Variants in CSDE1 observed in about 807,000 individuals in gnomAD.
CSDE1 encodes cold shock domain containing E1, also known as cold shock domain-containing protein E1.
CSDE1 carries 17 observed loss-of-function variants against 89.3 expected under a neutral mutation model. The ratio of observed to expected loss-of-function variants is 0.19; its 90% CI spans 0.13 to 0.29. CSDE1 has a LOEUF of 0.29. Among genes scored for constraint, CSDE1 ranks in the 10% least tolerant of loss-of-function variants. The probability of loss-of-function intolerance (pLI) is 1.00; values close to 1 mark genes in which losing one functional copy is unlikely to be tolerated. For synonymous variants in CSDE1, 322 were observed against 332.8 expected (o/e 0.97, Z 0.35); for missense variants, 672 against 984.2 (o/e 0.68, Z 4.24).
chr1:114,736,495 C>G (rs1202906639), intron 6 of CSDE1, among the ~76,000 whole-genome samples: 1 of 152,148 alleles, frequency 6.6e-6, no homozygotes, highest in Admixed American at 6.5e-5. Context: ...TACCTCAAAG[C>G]ACTATTTTTT....
chr1:114,726,448 G>T, intron 13 of CSDE1, 62 bp from the exon 14 acceptor site: 1 of 1,360,876 alleles, frequency 7.3e-7, no homozygotes, highest in Non-Finnish European at 9.9e-7. Context: ...CCTTAACTCA[G>T]AAAACAAGAC....
chr1:114,741,055 C>T (rs1660699040), intron 2 of CSDE1, among the ~76,000 whole-genome samples: 1 of 152,206 alleles, frequency 6.6e-6, no homozygotes, highest in Admixed American at 6.5e-5. Flanking sequence ...AATTCTTCTA[C>T]ACTAGCCACT....
At chr1:114,734,238 C>A (rs1264865961) in intron 7 of CSDE1, 121 bp from the exon 8 acceptor site, 1 of 1,255,814 alleles carries the variant, frequency 8.0e-7, no homozygotes, top group Non-Finnish European at 1.1e-6. Flanking sequence ...TTTGGTACAA[C>A]CTAATATTAT....
At position 114,720,730 on chromosome 1, in the gene CSDE1, T is replaced by C. The variant is rs752563317; in HGVS notation, c.1874-13A>G. The C allele has an allele frequency of 9.9e-6, 16 of 1,612,974 alleles. No individual in the cohort carries two copies. The highest frequency in any genetic ancestry group is 4.5e-5 in the East Asian group (2 of 44,878). The stretch of plus-strand genomic sequence containing the variant: ...CCTTTCATATCGCCTGTAAAACAGG[T>C]ACAAAGTCTAAAAGCTAGTATTTCA... On this transcript the variant is annotated splice_polypyrimidine_tract_variant and intron_variant, in intron 16 of 19. Transcript: ENST00000358528.
intron 18 of CSDE1, among the ~76,000 whole-genome samples, 186 bp downstream of exon 18, chr1:114,719,393 G>T (rs1010492667): frequency 2.0e-5 from 3 of 152,134 alleles, no homozygotes; most frequent in Admixed American, 6.5e-5. Context: ...GGAAGAAGAA[G>T]AATTTGGCAA....
In CSDE1 at chr1:114,717,848, A is replaced by G. The variant is rs546876074; in HGVS notation, c.*321T>C. 9.2e-6 allele frequency: 3 copies of G among 325,200 alleles called. No individual in the cohort carries two copies. Among genetic ancestry groups the G allele is most frequent in the Admixed American group, 4.6e-5 (1 of 21,698 alleles). The allele number at this position is 325,200 out of a possible 1,614,324, so 20.1% of individuals were successfully genotyped here. A position where few individuals can be genotyped will look rare whatever the true frequency, so the allele number is the denominator to read the frequency against. The stretch of plus-strand genomic sequence containing the variant: ...CATAGGGCCAACAAGATAACAGTCT[A>G]TATTTTTCACTTACACAGGCAAAGT... On this transcript the variant is annotated 3_prime_UTR_variant, in exon 20 of 20. Transcript: ENST00000358528.
chr1:114,719,727 A>G lies in CSDE1; in HGVS notation c.2068T>C (p.Tyr690His), dbSNP rs1420964127. 1 of 1,610,856 alleles carries G rather than the reference A, an allele frequency of 6.2e-7. No homozygotes were observed. The highest frequency in any genetic ancestry group is 8.5e-7 in the Non-Finnish European group (1 of 1,179,146). ...AGCTTCTTGCTATCTCCTACTTCAT[A>G]GTTAATGAAGCCAAACTGAAAAAAA... ...CVKDQFGFINYEVGDSKKLFF... is the reference protein window; with the variant it reads ...CVKDQFGFINHEVGDSKKLFF... The change falls in exon 18 of 20, where the codon TAT becomes CAT. Residue 690 changes from tyrosine to histidine, a missense_variant. Tyr to His is a moderately conservative substitution (Grantham distance 83, BLOSUM62 2). Coordinates refer to ENST00000358528, the MANE Select transcript of CSDE1 (RefSeq NM_001007553.3).
In CSDE1 at chr1:114,716,990, A is replaced by C. The variant is rs1185984352; in HGVS notation, c.*1179T>G. ...TTAACAGAAAACTGGAGAAAGCAAA[A>C]ATGTTTCGTGTTTACAAAGATAAAC... On this transcript the variant is annotated 3_prime_UTR_variant, in exon 20 of 20. Coordinates refer to ENST00000358528, the MANE Select transcript of CSDE1 (RefSeq NM_001007553.3). 1 of 152,668 alleles carries C rather than the reference A, an allele frequency of 6.6e-6. No homozygotes were observed. Among genetic ancestry groups the C allele is most frequent in the African/African-American group, 2.4e-5 (1 of 41,456 alleles). 9.5% of individuals were successfully genotyped at this position (152,668 alleles called of 1,614,324 possible).
intron 13 of CSDE1, 148 bp downstream of exon 13, chr1:114,726,835 G>T: frequency 1.7e-6 from 1 of 572,842 alleles, no homozygotes; most frequent in East Asian, 2.9e-5. Flanking sequence ...TTAATAAGCT[G>T]CTTTCAAATA....
intron 16 of CSDE1, among the ~76,000 whole-genome samples, chr1:114,721,579 A>C (rs1659522764): frequency 1.3e-5 from 2 of 152,292 alleles, no homozygotes; most frequent in South Asian, 4.1e-4. Context: ...ATTACAGGGT[A>C]AGTGAAGAAT....
chr1:114,752,411 GTCCCGTACAAAGAT>G (rs1175782552), intron 1 of CSDE1, among the ~76,000 whole-genome samples: 1 of 151,916 alleles, frequency 6.6e-6, no homozygotes, highest in Non-Finnish European at 1.5e-5. Context: ...CAAAGCCTGA[GTCCCGTACAAAGAT>G]TCTAAATTTA....
In CSDE1 at chr1:114,726,308, T is replaced by C. The variant is rs1659793564; in HGVS notation, c.1543A>G (p.Asn515Asp). The C allele has an allele frequency of 2.5e-6, 4 of 1,613,914 alleles. No homozygotes were observed. Among genetic ancestry groups the C allele is most frequent in the Non-Finnish European group, 3.4e-6 (4 of 1,179,910 alleles). The change falls in exon 14 of 20, where the codon AAC (asparagine) becomes GAC (aspartate). Residue 515 changes from asparagine (N) to aspartate (D), a missense_variant. By Grantham distance (23) the Asn-to-Asp change is conservative. Transcript: ENST00000358528. ...ACATAACCCAAGAGCCTCTTGGAGT[T>C]AGAATTACGACCTAAAAGTCGCACA... Reference protein sequence around the residue: ...TCVRLLGRNSNSKRLLGYVAT... With the variant: ...TCVRLLGRNSDSKRLLGYVAT...
chr1:114,733,745 G>C lies in CSDE1; in HGVS notation c.824C>G (p.Pro275Arg). Residue 275 changes from proline to arginine, a missense_variant, in exon 9 of 20, where the codon CCC (proline) becomes CGC (arginine). This residue lies in a region of CSDE1 where 169 missense variants were observed against 262.9 expected (regional missense o/e 0.64). Transcript: ENST00000358528. ...GTVTKVIPKV[P>R]SKNQNDPLPG... ...AAGATTATTTACCTGGTTTTTACTG[G>C]GTACTTTTGGGATAACTTTGGTTAC... 6.2e-7 allele frequency: 1 copy of C among 1,613,130 alleles called. No individual in the cohort carries two copies. Among genetic ancestry groups the C allele is most frequent in the Non-Finnish European group, 8.5e-7 (1 of 1,179,696 alleles).
At chr1:114,746,413 C>T (rs2101074744) in intron 2 of CSDE1, 1 of 151,814 alleles carries the variant, frequency 6.6e-6, no homozygotes, top group African/African-American at 2.4e-5. Flanking sequence ...TCGTTTGTTC[C>T]CAAATAAAAA....
chr1:114,725,228 T>A lies in CSDE1; in HGVS notation c.1746A>T (p.Thr582=). The A allele has an allele frequency of 6.2e-7, 1 of 1,613,614 alleles. No homozygotes were observed. Among genetic ancestry groups the A allele is most frequent in the Non-Finnish European group, 8.5e-7 (1 of 1,179,494 alleles). ...GAAGTCACAATTTATTACCTGAGTGTGTTTTGTTCACTTTTTCTGCACTGA... is the reference window on the plus strand; with the variant it reads ...GAAGTCACAATTTATTACCTGAGTGAGTTTTGTTCACTTTTTCTGCACTGA... ...NKVSAEKVNK[T]HSVNGITEEA... is the part of the protein sequence containing the mutation. Residue 582 remains threonine (T), a synonymous_variant, in exon 15 of 20, where the codon ACA becomes ACT. Coordinates refer to ENST00000358528, the MANE Select transcript of CSDE1 (RefSeq NM_001007553.3).
At chr1:114,720,460 C>T in intron 17 of CSDE1, 79 bp downstream of exon 17, 1 of 1,320,428 alleles carries the variant, frequency 7.6e-7, no homozygotes, top group East Asian at 2.5e-5. Context: ...ATGATTTCCC[C>T]TTGGCTGAAA....
chr1:114,743,451 C>T (rs1446288080), intron 2 of CSDE1, among the ~76,000 whole-genome samples: 2 of 152,182 alleles, frequency 1.3e-5, no homozygotes, highest in Admixed American at 6.5e-5. Context: ...CTGCACTGCG[C>T]CCTGGCCTCC....
chr1:114,752,415 C>T (rs752980052), intron 1 of CSDE1, among the ~76,000 whole-genome samples: 1 of 152,064 alleles, frequency 6.6e-6, no homozygotes, highest in African/African-American at 2.4e-5. Flanking sequence ...GCCTGAGTCC[C>T]GTACAAAGAT....
chr1:114,739,512 T>G (rs1023446427), intron 3 of CSDE1, among the ~76,000 whole-genome samples, 180 bp downstream of exon 3: 2 of 152,228 alleles, frequency 1.3e-5, no homozygotes, highest in Admixed American at 6.5e-5. Context: ...TGTAAATATA[T>G]GCAAATATAA....
Sources: allele counts gnomAD v4.1 joint callset (sites outside exome capture counted in the v4.1 genomes callset), GRCh38; gene constraint gnomAD v4.1.1; regional missense constraint gnomAD v4.1.1; transcripts MANE v1.5; gene names NCBI Gene and HGNC (gene_info 2026-07-23, HGNC 2026-07-21).